Variants in NELFA observed in about 807,000 individuals in gnomAD.
NELFA encodes negative elongation factor complex member A, also known as negative elongation factor A.
In NELFA, 35 loss-of-function variants were observed where a neutral mutation model predicts 51.8. That is an observed-to-expected ratio of 0.68 (90% CI 0.52 to 0.90). The LOEUF (loss-of-function observed/expected upper bound fraction) is 0.90. Among genes scored for constraint, NELFA ranks in the 40% least tolerant of loss-of-function variants. The pLI is 0.00. For missense variants in NELFA, 658 were observed against 746.4 expected (o/e 0.88, Z 1.38); for synonymous variants, 417 against 338.4 (o/e 1.23, Z -2.55).
intron 1 of NELFA, among the ~76,000 whole-genome samples, chr4:2,005,735 G>A (rs1450361569): frequency 5.3e-5 from 8 of 151,918 alleles, no homozygotes; most frequent in Non-Finnish European, 7.4e-5. Context: ...AAAAATCAAC[G>A]CATTTCTATA....
intron 1 of NELFA, among the ~76,000 whole-genome samples, chr4:2,000,094 A>G (rs1473869051): frequency 6.6e-6 from 1 of 152,214 alleles, no homozygotes; most frequent in Non-Finnish European, 1.5e-5. Context: ...GAGACAATGT[A>G]GCAGAATCTC....
Position 1,989,967 on chromosome 4 carries a change from A to AGGGG in NELFA, c.383-99_383-98insCCCC, listed in dbSNP as rs1403196886. ...GCCCAGCCCCACACCCTCCTCAGTTAGGGTTAGGTCATGGGAGCTTCGGCT... is the reference window on the plus strand; with the variant it reads ...GCCCAGCCCCACACCCTCCTCAGTTAGGGGGGGTTAGGTCATGGGAGCTTCGGCT... On this transcript the variant is annotated intron_variant, in intron 2 of 10. Transcript: ENST00000382882. The surrounding 1 kb of genome is among the most constrained non-coding windows in gnomAD (Gnocchi z 4.8). The AGGGG allele has an allele frequency of 4.1e-6, 6 of 1,452,350 alleles. No individual in the cohort carries two copies. Among genetic ancestry groups the AGGGG allele is most frequent in the Non-Finnish European group, 5.6e-6 (6 of 1,075,214 alleles). The allele number at this position is 1,452,350 out of a possible 1,614,324, so 90.0% of individuals were successfully genotyped here.
chr4:1,999,342 C>A (rs1728513258), intron 1 of NELFA, among the ~76,000 whole-genome samples: 1 of 151,842 alleles, frequency 6.6e-6, no homozygotes, highest in African/African-American at 2.4e-5. Flanking sequence ...TTAAAAGACA[C>A]AGACTGGCAA....
intron 3 of NELFA, among the ~76,000 whole-genome samples, chr4:1,988,612 T>C (rs983405140): frequency 9.9e-5 from 15 of 152,264 alleles, no homozygotes; most frequent in Non-Finnish European, 1.6e-4. Context: ...CCAAGATCCA[T>C]GCACAGCTGC....
intron 1 of NELFA, among the ~76,000 whole-genome samples, chr4:2,005,646 C>G (rs1053935643): frequency 1.3e-5 from 2 of 152,030 alleles, no homozygotes; most frequent in African/African-American, 2.4e-5. Context: ...GAGCTGAGAT[C>G]GCGCCACTGC....
intron 7 of NELFA, 102 bp downstream of exon 7, chr4:1,985,670 GTACA>G (rs1728064943): frequency 2.4e-6 from 2 of 819,000 alleles, no homozygotes; most frequent in Non-Finnish European, 2.0e-6. Flanking sequence ...GCACACATAT[GTACA>G]TACATATATA....
chr4:1,985,971 CGAG>C (rs1354027714), intron 6 of NELFA, 107 bp from the exon 7 acceptor site: 4 of 1,340,184 alleles, frequency 3.0e-6, no homozygotes, highest in Non-Finnish European at 3.1e-6. Flanking sequence ...CACCAAGGAG[CGAG>C]GAGAAAAGCA....
At position 1,983,921 on chromosome 4, in the gene NELFA, G is replaced by T; in HGVS notation, c.1229C>A (p.Pro410His). The T allele has an allele frequency of 6.2e-7, 1 of 1,608,552 alleles. No homozygotes were observed. Among genetic ancestry groups the T allele is most frequent in the Non-Finnish European group, 8.5e-7 (1 of 1,177,590 alleles). ...PPAVAPTTQT[P>H]PVAMVAPQTQ... ...CTGCGGGGCCACCATGGCAACCGGG[G>T]GTGTCTGAGTGGTAGGGGCGACAGC... The change falls in exon 9 of 11, where the codon CCC becomes CAC. Residue 410 changes from proline (P) to histidine (H), a missense_variant. Coordinates refer to ENST00000382882, the MANE Select transcript of NELFA (RefSeq NM_005663.5).
rs1160518906 is a variant in NELFA, at chr4:1,983,510, A to C, written c.1403-7T>G. 3 of 1,613,542 alleles carry C rather than the reference A, an allele frequency of 1.9e-6. No homozygotes were observed. In the African/African-American group the frequency reaches 4.0e-5, roughly 22 times the overall value. ...TGCTCCTGGCACGGGTTCTCTGCAG[A>C]GAGCAGGAGCTGCTGGGTGGGTGTC... On this transcript the variant is annotated splice_polypyrimidine_tract_variant and splice_region_variant and intron_variant, in intron 10 of 10. Coordinates refer to ENST00000382882, the MANE Select transcript of NELFA (RefSeq NM_005663.5).
intron 8 of NELFA, among the ~76,000 whole-genome samples, chr4:1,984,475 G>A (rs538746916): frequency 6.6e-6 from 1 of 152,112 alleles, no homozygotes; most frequent in Non-Finnish European, 1.5e-5. Context: ...CCGTCTGGGA[G>A]GGGATGGCTC....
Position 1,989,016 on chromosome 4 carries a change from G to T in NELFA, c.544+692C>A, listed in dbSNP as rs1414485371. On this transcript the variant is annotated intron_variant, in intron 3 of 10. Transcript: ENST00000382882. The surrounding 1 kb of genome is among the most constrained non-coding windows in gnomAD (Gnocchi z 4.8). ...GCTGGAGTGCAGTGGGGCAATCTTG[G>T]CTCACTGCAACCTCCGCCTCCCAGG... Among the ~76,000 whole-genome samples, 3 of 149,564 alleles carry T rather than the reference G, an allele frequency of 2.0e-5. No homozygotes were observed. The highest frequency in any genetic ancestry group is 4.4e-5 in the Non-Finnish European group (3 of 67,748).
chr4:1,987,275 C>A (rs139008938), intron 4 of NELFA, among the ~76,000 whole-genome samples: 4 of 152,214 alleles, frequency 2.6e-5, no homozygotes, highest in Non-Finnish European at 5.9e-5. Flanking sequence ...CAGCACAGGA[C>A]GACACCCGTC....
chr4:1,985,900 G>A, intron 6 of NELFA, 36 bp from the exon 7 acceptor site: 1 of 1,559,632 alleles, frequency 6.4e-7, no homozygotes, highest in Non-Finnish European at 8.7e-7. Flanking sequence ...CAGTGCCCGG[G>A]CGCGTCTGCA....
intron 7 of NELFA, 77 bp downstream of exon 7, chr4:1,985,699 G>A: frequency 1.8e-6 from 2 of 1,099,694 alleles, no homozygotes; most frequent in Non-Finnish European, 2.8e-6. Flanking sequence ...CTCCGACAGA[G>A]CACACTAGTG....
intron 7 of NELFA, among the ~76,000 whole-genome samples, chr4:1,985,452 A>G (rs1333451810): frequency 6.6e-6 from 1 of 151,924 alleles, no homozygotes; most frequent in Non-Finnish European, 1.5e-5. Context: ...CCTGTCCTGC[A>G]CCCATTCACG....
chr4:1,992,442 C>T (rs1299063819), intron 1 of NELFA: 3 of 429,518 alleles, frequency 7.0e-6, no homozygotes, highest in South Asian at 4.9e-5. Flanking sequence ...CCTGCTTCGG[C>T]CACATAAACC....
At position 2,004,725 on chromosome 4, in the gene NELFA, CA is replaced by C. The variant is rs529256016; in HGVS notation, c.210+4024del. Reference sequence around the variant, plus strand: ...CTGATCTCGAATGCCTGGGTTCAAGCAATCCGCCCATCTTGGCCTCCCAAAG... The same window carrying C: ...CTGATCTCGAATGCCTGGGTTCAAGCATCCGCCCATCTTGGCCTCCCAAAG... On this transcript the variant is annotated intron_variant, in intron 1 of 10. Coordinates refer to ENST00000382882, the MANE Select transcript of NELFA (RefSeq NM_005663.5). Among the ~76,000 whole-genome samples the C allele has an allele frequency of 2.0e-5, 3 of 149,710 alleles. No homozygotes were observed. The South Asian group carries it at 6.4e-4, about 32-fold the overall frequency.
At chr4:1,983,732 G>A (rs200895966) in intron 9 of NELFA, 37 bp from the exon 10 acceptor site, 78 of 1,609,162 alleles carry the variant, frequency 4.8e-5, no homozygotes, top group African/African-American at 1.2e-4. Context: ...CCAGGGCCCC[G>A]CCAGGACCAC....
Position 1,983,519 on chromosome 4 carries a change from G to A in NELFA, c.1403-16C>T. ...CACGGGTTCTCTGCAGAGAGCAGGAGCTGCTGGGTGGGTGTCTGGGGGCAC... is the reference window on the plus strand; with the variant it reads ...CACGGGTTCTCTGCAGAGAGCAGGAACTGCTGGGTGGGTGTCTGGGGGCAC... On this transcript the variant is annotated splice_polypyrimidine_tract_variant and intron_variant, in intron 10 of 10. Coordinates refer to ENST00000382882, the MANE Select transcript of NELFA (RefSeq NM_005663.5). The A allele has an allele frequency of 6.2e-7, 1 of 1,613,256 alleles. No individual in the cohort carries two copies. Among genetic ancestry groups the A allele is most frequent in the Non-Finnish European group, 8.5e-7 (1 of 1,179,490 alleles).
Sources: gnomAD v4.1 joint callset for allele counts (sites outside exome capture counted in the v4.1 genomes callset) on GRCh38, gnomAD v4.1.1 for gene constraint, Gnocchi (gnomAD v3.1) non-coding constraint, MANE v1.5 for transcripts, NCBI Gene and HGNC (gene_info 2026-07-23, HGNC 2026-07-21) for gene names.